The following MAGI2 variants were observed in gnomAD, a reference collection of about 807,000 sequenced individuals.
MAGI2 encodes the protein membrane associated guanylate kinase, WW and PDZ domain containing 2, also known as membrane-associated guanylate kinase, WW and PDZ domain-containing protein 2.
Under a neutral mutation model 133.3 loss-of-function variants are expected in MAGI2, and 35 were observed. The ratio of observed to expected loss-of-function variants is 0.26; its 90% CI spans 0.20 to 0.35. The LOEUF is 0.35. Ranked by LOEUF, MAGI2 falls within the 10% of genes least tolerant of loss-of-function variation. MAGI2 has a pLI of 1.00. For synonymous variants in MAGI2, 729 were observed against 710.6 expected, an observed-to-expected ratio of 1.03 and a Z score of -0.41; for missense variants, 1,636 against 1,863.4, an observed-to-expected ratio of 0.88 and a Z score of 2.25.
At chr7:78,778,933 G>T (rs1226655395) in intron 2 of MAGI2, among the ~76,000 whole-genome samples, 2 of 131,568 alleles carry the variant, frequency 1.5e-5, no homozygotes, top group African/African-American at 5.9e-5. Flanking sequence ...TTGAGATGGA[G>T]TCTTGCTCTG....
At chr7:79,318,845 C>T (rs974324108) in intron 1 of MAGI2, among the ~76,000 whole-genome samples, 1 of 152,124 alleles carries the variant, frequency 6.6e-6, no homozygotes, top group African/African-American at 2.4e-5. Flanking sequence ...TCAGTTCAAG[C>T]ACACTACTGC....
intron 13 of MAGI2, among the ~76,000 whole-genome samples, chr7:78,182,236 AG>A (rs1427833082): frequency 1.3e-5 from 2 of 152,222 alleles, no homozygotes; most frequent in African/African-American, 2.4e-5. Flanking sequence ...GAATCAAAAA[AG>A]GTTATTAAAC....
intron 9 of MAGI2, among the ~76,000 whole-genome samples, chr7:78,298,928 GTC>G (rs1471514352): frequency 6.9e-6 from 1 of 144,536 alleles, no homozygotes; most frequent in Non-Finnish European, 1.5e-5. Flanking sequence ...CAATTCTCCT[GTC>G]TCAGCCTCCC....
chr7:78,941,849 C>G (rs1041896094), intron 2 of MAGI2, among the ~76,000 whole-genome samples: 2 of 151,692 alleles, frequency 1.3e-5, no homozygotes, highest in African/African-American at 4.8e-5. Flanking sequence ...CCTACCCCTC[C>G]TTTTCTTCAA....
At chr7:78,192,615 T>A (rs375383368) in intron 12 of MAGI2, among the ~76,000 whole-genome samples, 2 of 151,858 alleles carry the variant, frequency 1.3e-5, no homozygotes, top group East Asian at 3.9e-4. Context: ...CGCCATGCTC[T>A]CCTGGTTTCC....
chr7:78,671,441 T>C (rs1814380560), intron 2 of MAGI2, among the ~76,000 whole-genome samples: 1 of 152,148 alleles, frequency 6.6e-6, no homozygotes, highest in Admixed American at 6.6e-5. Flanking sequence ...AGATAGCATG[T>C]GTGACTGAAA....
intron 3 of MAGI2, among the ~76,000 whole-genome samples, chr7:78,573,199 T>TATATAAATATATATATAAATATATATAA (rs1801755811): frequency 1.2e-5 from 1 of 86,190 alleles, no homozygotes; most frequent in African/African-American, 4.9e-5. Context: ...TATATATATA[T>TATATAAATATATATATAAATATATATAA]ATATAAATAT....
chr7:78,819,269 G>A (rs1044492022), intron 2 of MAGI2, among the ~76,000 whole-genome samples: 5 of 152,096 alleles, frequency 3.3e-5, no homozygotes, highest in African/African-American at 4.8e-5. Context: ...ACAGGTTGAA[G>A]GATCAGGAAG....
chr7:78,652,202 G>A (rs149544020), intron 2 of MAGI2, among the ~76,000 whole-genome samples: 231 of 152,196 alleles, frequency 1.5e-3, no homozygotes, highest in African/African-American at 4.8e-3. Flanking sequence ...GTGAATTTCC[G>A]TTATAGATCT....
chr7:78,429,688 T>A (rs1799610473), intron 6 of MAGI2, among the ~76,000 whole-genome samples: 2 of 151,950 alleles, frequency 1.3e-5, no homozygotes, highest in South Asian at 4.1e-4. Context: ...CTTTTTCTTT[T>A]TAAAAATGGT....
At chr7:78,667,434 C>G (rs1402860076) in intron 2 of MAGI2, among the ~76,000 whole-genome samples, 2 of 150,526 alleles carry the variant, frequency 1.3e-5, no homozygotes, top group East Asian at 3.9e-4. Flanking sequence ...TACATGTGCA[C>G]AATGTGCAAG....
chr7:78,299,965 A>T (rs1416961972), intron 9 of MAGI2, among the ~76,000 whole-genome samples: 1 of 152,204 alleles, frequency 6.6e-6, no homozygotes, highest in Non-Finnish European at 1.5e-5. Context: ...CTTTTTCATC[A>T]TGGAATTTTT....
intron 1 of MAGI2, among the ~76,000 whole-genome samples, chr7:79,156,992 C>T (rs552385523): frequency 6.6e-6 from 1 of 152,104 alleles, no homozygotes; most frequent in South Asian, 2.1e-4. Flanking sequence ...CCTGGAACTC[C>T]CTTCGGTTGA....
At chr7:78,171,250 G>C (rs1826082575) in intron 14 of MAGI2, among the ~76,000 whole-genome samples, 1 of 152,182 alleles carries the variant, frequency 6.6e-6, no homozygotes, top group Non-Finnish European at 1.5e-5. Flanking sequence ...ATCTATGATT[G>C]TATCTTGCAC....
intron 9 of MAGI2, among the ~76,000 whole-genome samples, chr7:78,281,893 A>AAAG (rs1195430107): frequency 6.6e-6 from 1 of 151,800 alleles, no homozygotes; most frequent in Non-Finnish European, 1.5e-5. Context: ...TCAAAAAAAA[A>AAAG]AAAAGGAGAA....
chr7:78,790,240 A>T (rs1169052521), intron 2 of MAGI2, among the ~76,000 whole-genome samples: 1 of 152,190 alleles, frequency 6.6e-6, no homozygotes, highest in Non-Finnish European at 1.5e-5. Flanking sequence ...ACACATAGGC[A>T]TGAAAGTGGC....
intron 6 of MAGI2, among the ~76,000 whole-genome samples, chr7:78,468,354 CAT>C (rs1790853642): frequency 6.6e-6 from 1 of 152,064 alleles, no homozygotes; most frequent in Non-Finnish European, 1.5e-5. Context: ...AAATGCGTGA[CAT>C]ATGTTGGCTG....
At chr7:78,083,389 A>G (rs1016156147) in intron 20 of MAGI2, among the ~76,000 whole-genome samples, 585 of 5,394 alleles carry the variant, frequency 0.11, 9 homozygotes, top group Non-Finnish European at 0.16. Flanking sequence ...GGAGGGGGGG[A>G]GAGAGAGAGA....
chr7:78,771,390 A>C (rs1411684686), intron 2 of MAGI2: 1 of 152,202 alleles, frequency 6.6e-6, no homozygotes, highest in Non-Finnish European at 1.5e-5. Flanking sequence ...ATTAAAAGCC[A>C]GTGAGATGGA....
Sources: gnomAD v4.1 joint callset for allele counts (sites outside exome capture counted in the v4.1 genomes callset) on GRCh38, gnomAD v4.1.1 for gene constraint, MANE v1.5 for transcripts, NCBI Gene and HGNC (gene_info 2026-07-23, HGNC 2026-07-21) for gene names.